The following GABRB2 variants were observed in gnomAD, a reference collection of about 807,000 sequenced individuals.
The protein encoded by GABRB2 is gamma-aminobutyric acid type A receptor subunit beta2.
In GABRB2, 16 loss-of-function variants were observed where a neutral mutation model predicts 54.7. That is an observed-to-expected ratio of 0.29 (90% CI 0.20 to 0.44). The LOEUF is 0.44. Among genes scored for constraint, GABRB2 ranks in the 20% least tolerant of loss-of-function variants. The probability of loss-of-function intolerance (pLI) is 1.00; values close to 1 mark genes in which losing one functional copy is unlikely to be tolerated. For missense variants in GABRB2, 355 were observed against 644.0 expected, an observed-to-expected ratio of 0.55 and a Z score of 4.86; for synonymous variants, 244 against 233.8, an observed-to-expected ratio of 1.04 and a Z score of -0.40.
At chr5:161,541,120 A>G (rs1760798311) in intron 3 of GABRB2, among the ~76,000 whole-genome samples, 1 of 151,408 alleles carries the variant, frequency 6.6e-6, no homozygotes, top group Non-Finnish European at 1.5e-5. Flanking sequence ...TGTTGGAATT[A>G]CAGGCGTCAG....
intron 5 of GABRB2, among the ~76,000 whole-genome samples, chr5:161,395,013 T>A (rs1368987561): frequency 1.3e-5 from 2 of 152,116 alleles, no homozygotes; most frequent in Non-Finnish European, 2.9e-5. Context: ...AATGGCTGCA[T>A]AAGATTTATC....
chr5:161,385,867 A>G (rs1755609106), intron 5 of GABRB2, among the ~76,000 whole-genome samples: 2 of 152,086 alleles, frequency 1.3e-5, no homozygotes, highest in Admixed American at 6.6e-5. Context: ...AAAAAGTGAG[A>G]TAAGTCAAGT....
At chr5:161,421,264 G>A (rs896285187) in intron 4 of GABRB2, among the ~76,000 whole-genome samples, 1 of 152,130 alleles carries the variant, frequency 6.6e-6, no homozygotes, top group Non-Finnish European at 1.5e-5. Context: ...AACAAAGACG[G>A]CAAACTGTGC....
chr5:161,483,534 T>TA (rs1581024126), intron 3 of GABRB2, among the ~76,000 whole-genome samples: 1 of 150,782 alleles, frequency 6.6e-6, no homozygotes. Flanking sequence ...AACAGTGTTA[T>TA]AAAAAAGAGA....
intron 5 of GABRB2, among the ~76,000 whole-genome samples, chr5:161,348,389 T>A (rs941179825): frequency 6.6e-6 from 1 of 152,084 alleles, no homozygotes; most frequent in African/African-American, 2.4e-5. Context: ...CTCCTTAATG[T>A]TAATGATTAA....
chr5:161,292,151 G>C lies in GABRB2; in HGVS notation c.*1930C>G. 6.6e-6 allele frequency: 1 copy of C among 152,270 alleles called. No individual in the cohort carries two copies. The highest frequency in any genetic ancestry group is 1.9e-4 in the East Asian group (1 of 5,186). The allele number at this position is 152,270 out of a possible 1,614,324, so 9.4% of individuals were successfully genotyped here. On this transcript the variant is annotated 3_prime_UTR_variant, in exon 10 of 10. Coordinates refer to ENST00000393959, the MANE Select transcript of GABRB2 (RefSeq NM_001371727.1). ...CAAATTCAGAAAGCTGAAGGATAAAGGTTTGTTGTTGTTCTTGGACAGCTG... is the reference window on the plus strand; with the variant it reads ...CAAATTCAGAAAGCTGAAGGATAAACGTTTGTTGTTGTTCTTGGACAGCTG...
intron 4 of GABRB2, among the ~76,000 whole-genome samples, chr5:161,442,098 T>A (rs997257316): frequency 1.3e-5 from 2 of 152,158 alleles, no homozygotes; most frequent in Non-Finnish European, 2.9e-5. Context: ...TTAAACAATG[T>A]AATTGGATTG....
At position 161,334,912 on chromosome 5, in the gene GABRB2, G is replaced by A; in HGVS notation, c.680-8C>T. The A allele has an allele frequency of 1.2e-6, 2 of 1,612,992 alleles. No individual in the cohort carries two copies. Among genetic ancestry groups the A allele is most frequent in the Non-Finnish European group, 1.7e-6 (2 of 1,179,334 alleles). ...ATAACCTGGGATAGGAACCTAGAAAGGCAATTTTAGAACATCATCATTATC... is the reference window on the plus strand; with the variant it reads ...ATAACCTGGGATAGGAACCTAGAAAAGCAATTTTAGAACATCATCATTATC... On this transcript the variant is annotated splice_polypyrimidine_tract_variant and splice_region_variant and intron_variant, in intron 6 of 9. Transcript: ENST00000393959.
chr5:161,513,690 CTA>C (rs1293586558), intron 3 of GABRB2, among the ~76,000 whole-genome samples: 1 of 152,058 alleles, frequency 6.6e-6, no homozygotes, highest in Non-Finnish European at 1.5e-5. Flanking sequence ...ACTGTGCTCA[CTA>C]TCTGGGTGAT....
intron 3 of GABRB2, among the ~76,000 whole-genome samples, chr5:161,482,178 A>G (rs1263776950): frequency 2.0e-5 from 3 of 151,954 alleles, no homozygotes; most frequent in Non-Finnish European, 4.4e-5. Context: ...CTCTCCAGGG[A>G]TGTGGGTTGC....
At chr5:161,349,755 C>T (rs1013443711) in intron 5 of GABRB2, among the ~76,000 whole-genome samples, 1 of 152,102 alleles carries the variant, frequency 6.6e-6, no homozygotes, top group Non-Finnish European at 1.5e-5. Context: ...CCTTTTCCAA[C>T]AGCCTGCAGG....
At chr5:161,448,386 C>T (rs1757695739) in intron 4 of GABRB2, among the ~76,000 whole-genome samples, 2 of 152,056 alleles carry the variant, frequency 1.3e-5, no homozygotes, top group Non-Finnish European at 2.9e-5. Context: ...GAACACCAGA[C>T]TGGGAGGACA....
At chr5:161,386,044 C>A (rs954584365) in intron 5 of GABRB2, among the ~76,000 whole-genome samples, 1 of 150,632 alleles carries the variant, frequency 6.6e-6, no homozygotes, top group Non-Finnish European at 1.5e-5. Context: ...ACTGTTCTCC[C>A]TTTATGTCCA....
intron 3 of GABRB2, among the ~76,000 whole-genome samples, chr5:161,532,966 T>C (rs938508828): frequency 1.3e-5 from 2 of 152,192 alleles, no homozygotes; most frequent in African/African-American, 4.8e-5. Flanking sequence ...CTTATTCATG[T>C]ATTGCTTTTC....
chr5:161,303,045 C>T (rs1276617332), intron 9 of GABRB2, among the ~76,000 whole-genome samples: 1 of 152,184 alleles, frequency 6.6e-6, no homozygotes, highest in East Asian at 1.9e-4. Context: ...ATTCTTTTTA[C>T]TCTGCCTTTT....
chr5:161,294,033 C>G lies in GABRB2; in HGVS notation c.*48G>C. ...CCAAGTCCTACATCAGGCTGTACAA[C>G]TGGTTTGAGGAGGAATCTAGTCCTT... On this transcript the variant is annotated 3_prime_UTR_variant, in exon 10 of 10. Coordinates refer to ENST00000393959, the MANE Select transcript of GABRB2 (RefSeq NM_001371727.1). 7.0e-7 allele frequency: 1 copy of G among 1,423,702 alleles called. No individual in the cohort carries two copies. Among genetic ancestry groups the G allele is most frequent in the Non-Finnish European group, 9.8e-7 (1 of 1,021,390 alleles). 88.2% of individuals were successfully genotyped at this position (1,423,702 alleles called of 1,614,324 possible). A position where few individuals can be genotyped will look rare whatever the true frequency, so the allele number is the denominator to read the frequency against.
At chr5:161,470,660 G>A (rs1242143864) in intron 3 of GABRB2, among the ~76,000 whole-genome samples, 7 of 151,958 alleles carry the variant, frequency 4.6e-5, no homozygotes, top group African/African-American at 1.7e-4. Context: ...TTCTAGGTGG[G>A]ACAGAGCGGG....
At chr5:161,306,434 T>G (rs143452448) in intron 9 of GABRB2, among the ~76,000 whole-genome samples, 81 of 152,346 alleles carry the variant, frequency 5.3e-4, no homozygotes, top group African/African-American at 1.9e-3. Context: ...TTCCATATAT[T>G]CCTACTCCTA....
At chr5:161,432,511 GA>G (rs1441995822) in intron 4 of GABRB2, among the ~76,000 whole-genome samples, 1 of 152,160 alleles carries the variant, frequency 6.6e-6, no homozygotes, top group Non-Finnish European at 1.5e-5. Flanking sequence ...ACAAGATAGT[GA>G]GAAGGTACTC....
Sources: allele counts gnomAD v4.1 joint callset (sites outside exome capture counted in the v4.1 genomes callset), GRCh38; gene constraint gnomAD v4.1.1; transcripts MANE v1.5; gene names NCBI Gene and HGNC (gene_info 2026-07-23, HGNC 2026-07-21).